The following KALRN variants were observed in gnomAD, a reference collection of about 807,000 sequenced individuals.
KALRN encodes the protein kalirin RhoGEF kinase.
Under a neutral mutation model 353.7 loss-of-function variants are expected in KALRN, and 70 were observed. The ratio of observed to expected loss-of-function variants is 0.20; its 90% CI spans 0.16 to 0.24. The LOEUF is 0.24. Among genes scored for constraint, KALRN ranks in the 10% least tolerant of loss-of-function variants. The pLI is 1.00. For missense variants in KALRN, 2,791 were observed against 3,756.7 expected (o/e 0.74, Z 6.72); for synonymous variants, 1,391 against 1,434.8 (o/e 0.97, Z 0.69).
chr3:124,538,260 TTGTGTG>T (rs113800335), intron 33 of KALRN, among the ~76,000 whole-genome samples: 4 of 149,966 alleles, frequency 2.7e-5, no homozygotes, highest in African/African-American at 9.8e-5. Context: ...GTGTGTGTGT[TTGTGTG>T]TGTGTGTGTG....
chr3:124,640,345 G>A (rs574519654), intron 37 of KALRN, among the ~76,000 whole-genome samples: 6 of 147,444 alleles, frequency 4.1e-5, no homozygotes, highest in African/African-American at 5.0e-5. Context: ...GGAGTGCAGC[G>A]GCATGATCTC....
intron 1 of KALRN, chr3:124,100,368 G>A (rs2061763443): frequency 6.6e-6 from 1 of 152,132 alleles, no homozygotes; most frequent in Non-Finnish European, 1.5e-5. Flanking sequence ...TTGCTGTGCA[G>A]AAGCTTTTTA....
intron 51 of KALRN, among the ~76,000 whole-genome samples, chr3:124,686,158 A>G (rs1212574642): frequency 2.6e-5 from 4 of 152,238 alleles, no homozygotes; most frequent in Non-Finnish European, 5.9e-5. Context: ...TCTAACAGTC[A>G]TGGTGAGGGA....
intron 1 of KALRN, among the ~76,000 whole-genome samples, chr3:124,092,165 C>T (rs2061155910): frequency 6.6e-6 from 1 of 152,224 alleles, no homozygotes; most frequent in African/African-American, 2.4e-5. Context: ...TCTTTATTCC[C>T]ATTTTCTCTG....
chr3:124,364,839 G>T (rs1298706603), intron 10 of KALRN, among the ~76,000 whole-genome samples: 1 of 152,188 alleles, frequency 6.6e-6, no homozygotes, highest in East Asian at 1.9e-4. Context: ...GAGGACAGCT[G>T]TTCTGCCTGG....
chr3:124,663,227 G>T (rs7623061), intron 45 of KALRN, among the ~76,000 whole-genome samples: 2 of 152,198 alleles, frequency 1.3e-5, no homozygotes, highest in Non-Finnish European at 2.9e-5. Flanking sequence ...GATTATAGGC[G>T]TGAGCCACCA....
At chr3:124,439,263 CCT>C (rs1384269788) in intron 18 of KALRN, among the ~76,000 whole-genome samples, 11 of 148,696 alleles carry the variant, frequency 7.4e-5, no homozygotes, top group Non-Finnish European at 1.2e-4. Flanking sequence ...CTTCCCAGCC[CCT>C]CTTTTTTTCT....
chr3:124,403,874 G>C (rs1421661251), intron 13 of KALRN, among the ~76,000 whole-genome samples: 1 of 152,134 alleles, frequency 6.6e-6, no homozygotes, highest in Non-Finnish European at 1.5e-5. Context: ...TATGATAGAG[G>C]CTCCTAGTTT....
chr3:124,658,146 G>A (rs1196410115), intron 41 of KALRN, among the ~76,000 whole-genome samples: 2 of 152,114 alleles, frequency 1.3e-5, no homozygotes, highest in Non-Finnish European at 2.9e-5. Flanking sequence ...GACAGAGCAA[G>A]ACCCTGTCTC....
At chr3:124,299,447 G>A (rs2077091820) in intron 6 of KALRN, among the ~76,000 whole-genome samples, 1 of 152,200 alleles carries the variant, frequency 6.6e-6, no homozygotes, top group African/African-American at 2.4e-5. Context: ...GGGGATGGCA[G>A]TTTGAAGGGG....
At chr3:124,286,082 C>CTTTCTTTCTTTCTTTCTTTCTTTCTTT (rs1553893894) in intron 5 of KALRN, among the ~76,000 whole-genome samples, 8 of 102,156 alleles carry the variant, frequency 7.8e-5, no homozygotes, top group Non-Finnish European at 1.4e-4. Context: ...TTCTTTCCTT[C>CTTTCTTTCTTTCTTTCTTTCTTTCTTT]CTTTCTTTCT....
At chr3:124,333,382 A>T (rs556959451) in intron 8 of KALRN, among the ~76,000 whole-genome samples, 1 of 152,320 alleles carries the variant, frequency 6.6e-6, no homozygotes, top group South Asian at 2.1e-4. Flanking sequence ...CCATGACTTT[A>T]TGAAATATGT....
intron 5 of KALRN, among the ~76,000 whole-genome samples, chr3:124,280,635 G>A (rs561202679): frequency 6.6e-6 from 1 of 152,304 alleles, no homozygotes; most frequent in African/African-American, 2.4e-5. Flanking sequence ...ATGTGTAGGT[G>A]CACTAGTTTT....
At chr3:124,321,117 A>G (rs1055619980) in intron 6 of KALRN, among the ~76,000 whole-genome samples, 11 of 152,206 alleles carry the variant, frequency 7.2e-5, no homozygotes, top group African/African-American at 2.7e-4. Context: ...TCTTTGCACT[A>G]TTGGTTTTGT....
intron 34 of KALRN, among the ~76,000 whole-genome samples, chr3:124,594,551 AG>A (rs1482851131): frequency 6.6e-6 from 1 of 152,226 alleles, no homozygotes; most frequent in Non-Finnish European, 1.5e-5. Context: ...TGACTATAAA[AG>A]TGTTTCATTG....
intron 1 of KALRN, among the ~76,000 whole-genome samples, chr3:124,150,471 G>C (rs1248060540): frequency 6.6e-6 from 1 of 152,048 alleles, no homozygotes; most frequent in East Asian, 1.9e-4. Context: ...GTGCCATGCT[G>C]GTGTGCTGCA....
intron 1 of KALRN, among the ~76,000 whole-genome samples, chr3:124,069,703 T>C (rs1337880479): frequency 2.0e-5 from 3 of 152,198 alleles, no homozygotes; most frequent in Non-Finnish European, 2.9e-5. Flanking sequence ...GCAAAATTAA[T>C]TTTTTAGCAG....
chr3:124,465,613 C>G (rs956925485), intron 25 of KALRN, among the ~76,000 whole-genome samples: 1 of 152,102 alleles, frequency 6.6e-6, no homozygotes, highest in African/African-American at 2.4e-5. Flanking sequence ...ATGCAGTTGT[C>G]CTAATACTTA....
chr3:124,512,683 T>A (rs879256911), intron 33 of KALRN, among the ~76,000 whole-genome samples: 93 of 151,192 alleles, frequency 6.2e-4, no homozygotes, highest in African/African-American at 1.9e-3. Flanking sequence ...ATTAAAAATT[T>A]AAAAAAAAAC....
Sources: gnomAD v4.1 joint callset for allele counts (sites outside exome capture counted in the v4.1 genomes callset) on GRCh38, gnomAD v4.1.1 for gene constraint, MANE v1.5 for transcripts, NCBI Gene and HGNC (gene_info 2026-07-23, HGNC 2026-07-21) for gene names.